LYST: variants seen among roughly 807,000 people sequenced by gnomAD.
LYST encodes the protein lysosomal-trafficking regulator.
Under a neutral mutation model 413.6 loss-of-function variants are expected in LYST, and 192 were observed. That is an observed-to-expected ratio of 0.46 (90% CI 0.41 to 0.52). The LOEUF (loss-of-function observed/expected upper bound fraction) is 0.52, where lower values mean the gene tolerates loss of function less well. Ranked by LOEUF, LYST falls within the 20% of genes least tolerant of loss-of-function variation. LYST has a pLI of 0.00. For synonymous variants in LYST, 1,525 were observed against 1,567.3 expected, an observed-to-expected ratio of 0.97 and a Z score of 0.64; for missense variants, 3,815 against 4,499.9, an observed-to-expected ratio of 0.85 and a Z score of 4.35.
intron 8 of LYST, among the ~76,000 whole-genome samples, chr1:235,801,369 C>G (rs1238721388): frequency 6.6e-6 from 1 of 151,710 alleles, no homozygotes; most frequent in Admixed American, 6.6e-5. Flanking sequence ...TTTAACACAT[C>G]CCATGGACAC....
At position 235,766,102 on chromosome 1, in the gene LYST, T is replaced by C. The variant is rs777976528; in HGVS notation, c.6098A>G (p.Asn2033Ser). 1 of 1,613,366 alleles carries C rather than the reference T, an allele frequency of 6.2e-7. No individual in the cohort carries two copies. The highest frequency in any genetic ancestry group is 1.1e-5 in the South Asian group (1 of 91,074). ...TNTYVCHNPT[N>S]FYFSLHIDGK... is the part of the protein sequence containing the mutation. ...ACCTATGTGCAAAGAAAAGTAGAAG[T>C]TCGTGGGATTGTGACAAACGTAAGT... Residue 2033 changes from asparagine to serine, a missense_variant, in exon 21 of 53, where the codon AAC (asparagine) becomes AGC (serine). Around this residue, in one of 4 missense-constraint regions of LYST, gnomAD observed 530 missense variants for 696.5 expected, o/e 0.76. Transcript: ENST00000389793.
chr1:235,847,877 T>G (rs1013301001), intron 1 of LYST, among the ~76,000 whole-genome samples: 3 of 151,966 alleles, frequency 2.0e-5, no homozygotes, highest in Admixed American at 6.6e-5. Context: ...ACACTGGAGC[T>G]CCCAAATTTA....
intron 3 of LYST, among the ~76,000 whole-genome samples, chr1:235,820,985 C>T (rs1674688058): frequency 6.6e-6 from 1 of 152,162 alleles, no homozygotes; most frequent in Non-Finnish European, 1.5e-5. Context: ...TTTTTCTGTT[C>T]ACATTACTTT....
intron 1 of LYST, among the ~76,000 whole-genome samples, chr1:235,855,694 C>T (rs758244326): frequency 4.0e-5 from 6 of 151,822 alleles, no homozygotes; most frequent in Non-Finnish European, 7.4e-5. Flanking sequence ...ATATATTTTG[C>T]ATAAGGTTAA....
Position 235,710,148 on chromosome 1 carries a change from T to C in LYST, c.9926-840A>G, listed in dbSNP as rs141656220. Among the ~76,000 whole-genome samples the C allele has an allele frequency of 6.7e-3, 1,014 of 152,342 alleles. 8 individuals carry two copies. The highest frequency in any genetic ancestry group is 0.041 in the Middle Eastern group (12 of 294). On this transcript the variant is annotated intron_variant, in intron 43 of 52. Coordinates refer to ENST00000389793, the MANE Select transcript of LYST (RefSeq NM_000081.4). Reference sequence around the variant, plus strand: ...TAAAATTAAGTTGCTGTCTGTCTACTTTTTGATCTTGTAAAAACAGTTAGA... The same window carrying C: ...TAAAATTAAGTTGCTGTCTGTCTACCTTTTGATCTTGTAAAAACAGTTAGA...
At chr1:235,724,629 C>CAACACAATATCATGCA (rs147712474) in intron 38 of LYST, among the ~76,000 whole-genome samples, 5,639 of 152,132 alleles carry the variant, frequency 0.037, 348 homozygotes, top group African/African-American at 0.13. Context: ...ATGTATCCAC[C>CAACACAATATCATGCA]AAATAGTTTT....
At chr1:235,801,762 T>G (rs995105625) in intron 8 of LYST, among the ~76,000 whole-genome samples, 3 of 152,002 alleles carry the variant, frequency 2.0e-5, no homozygotes, top group Non-Finnish European at 4.4e-5. Context: ...ATAAAAAAAT[T>G]AATAAACCAA....
At position 235,664,436 on chromosome 1, in the gene LYST, CA is replaced by C. The variant is rs745471748; in HGVS notation, c.11195+28del. 1.2e-6 allele frequency: 2 copies of C among 1,607,688 alleles called. No individual in the cohort carries two copies. The highest frequency in any genetic ancestry group is 1.7e-6 in the Non-Finnish European group (2 of 1,174,674). On this transcript the variant is annotated intron_variant, in intron 51 of 52. Transcript: ENST00000389793. The surrounding 1 kb of genome is among the most constrained non-coding windows in gnomAD (Gnocchi z 4.5). ...ACTCCTGTGTCCTTATGAATGAAATCAAAAAAAGAGAATCCAAATTCCTCTT... is the reference window on the plus strand; with the variant it reads ...ACTCCTGTGTCCTTATGAATGAAATCAAAAAAGAGAATCCAAATTCCTCTT...
At chr1:235,870,305 C>T (rs1347024148), upstream of LYST, among the ~76,000 whole-genome samples, 1 of 152,156 alleles carries the variant, frequency 6.6e-6, no homozygotes, top group Non-Finnish European at 1.5e-5. Context: ...GTAAACAGGC[C>T]ATAGCCCACA....
chr1:235,784,248 A>C (rs1368061665), intron 14 of LYST, among the ~76,000 whole-genome samples: 1 of 152,202 alleles, frequency 6.6e-6, no homozygotes, highest in African/African-American at 2.4e-5. Context: ...AACAGAATAA[A>C]ATATTTGTCC....
chr1:235,687,486 C>T (rs1387658151), intron 47 of LYST, among the ~76,000 whole-genome samples: 4 of 152,076 alleles, frequency 2.6e-5, no homozygotes, highest in African/African-American at 7.2e-5. Context: ...AGAGGTATTG[C>T]TTCTAATAGT....
At chr1:235,837,864 G>GT (rs960292541) in intron 1 of LYST, among the ~76,000 whole-genome samples, 5 of 150,432 alleles carry the variant, frequency 3.3e-5, no homozygotes, top group African/African-American at 1.2e-4. Flanking sequence ...GATAAGTGAG[G>GT]TTAAAAAAAA....
At chr1:235,807,872 G>A (rs146209065) in intron 5 of LYST, among the ~76,000 whole-genome samples, 24 of 152,000 alleles carry the variant, frequency 1.6e-4, no homozygotes, top group African/African-American at 5.8e-4. Context: ...AATCCCATTA[G>A]TGCCTCTGCC....
intron 37 of LYST, 27 bp downstream of exon 37, chr1:235,729,569 T>A: frequency 6.6e-7 from 1 of 1,517,824 alleles, no homozygotes; most frequent in Non-Finnish European, 9.2e-7. Flanking sequence ...GGTGAATATG[T>A]GCAAAATTCT....
At chr1:235,677,219 G>T in intron 49 of LYST, 31 bp from the exon 50 acceptor site, 2 of 1,458,310 alleles carry the variant, frequency 1.4e-6, no homozygotes, top group Non-Finnish European at 1.9e-6. Context: ...ATTTGTATAT[G>T]ATCATTAAAT....
Position 235,759,073 on chromosome 1 carries a change from G to A in LYST, c.6780C>T (p.Gly2260=). 6.2e-7 allele frequency: 1 copy of A among 1,614,116 alleles called. No individual in the cohort carries two copies. Among genetic ancestry groups the A allele is most frequent in the Non-Finnish European group, 8.5e-7 (1 of 1,180,002 alleles). Residue 2260 remains glycine, a synonymous_variant, in exon 23 of 53, where the codon GGC becomes GGT. Transcript: ENST00000389793. ...FPSQNGSAAV[G]RWPSLVDRNT... is the part of the protein sequence containing the mutation. ...TTCTATCAACAAGACTTGGCCAACG[G>A]CCAACAGCTGCAGATCCGTTCTGTG... is the stretch of plus-strand genomic sequence containing the variant.
chr1:235,811,593 C>T (rs1389860321), intron 4 of LYST, among the ~76,000 whole-genome samples: 1 of 152,008 alleles, frequency 6.6e-6, no homozygotes, highest in African/African-American at 2.4e-5. Flanking sequence ...ATGAATTCTC[C>T]CTTTAACTAA....
At chr1:235,726,397 A>T (rs908933273) in intron 38 of LYST, among the ~76,000 whole-genome samples, 7 of 152,188 alleles carry the variant, frequency 4.6e-5, no homozygotes, top group African/African-American at 1.7e-4. Context: ...TTTCATACTT[A>T]AAACTGAATT....
intron 1 of LYST, among the ~76,000 whole-genome samples, chr1:235,861,938 T>C (rs541990146): frequency 1.7e-3 from 254 of 152,374 alleles, no homozygotes; most frequent in African/African-American, 5.8e-3. Context: ...ACAATTAGGC[T>C]AATCCCTGCA....
Sources: gnomAD v4.1 joint callset for allele counts (sites outside exome capture counted in the v4.1 genomes callset) on GRCh38, gnomAD v4.1.1 for gene constraint, gnomAD v4.1.1 regional missense constraint, Gnocchi (gnomAD v3.1) non-coding constraint, MANE v1.5 for transcripts, NCBI Gene and HGNC (gene_info 2026-07-23, HGNC 2026-07-21) for gene names.